ERAP1: variants seen among roughly 807,000 people sequenced by gnomAD.
The protein encoded by ERAP1 is adipocyte-derived leucine aminopeptidase.
A neutral mutation model predicts 103.7 loss-of-function variants in ERAP1; 86 were observed. The observed-to-expected ratio is 0.83, with a 90% confidence interval of 0.70 to 0.99. ERAP1 has a LOEUF of 0.99. ERAP1 is among the 50% of genes least tolerant of loss of function. The pLI, the probability that ERAP1 is intolerant of heterozygous loss-of-function variation, is 0.00. For missense variants in ERAP1, 1,009 were observed against 1,128.4 expected, an observed-to-expected ratio of 0.89 and a Z score of 1.52; for synonymous variants, 398 against 402.4, an observed-to-expected ratio of 0.99 and a Z score of 0.13.
upstream of ERAP1, among the ~76,000 whole-genome samples, chr5:96,811,143 C>T (rs991676270): frequency 6.6e-6 from 1 of 151,956 alleles, no homozygotes; most frequent in African/African-American, 2.4e-5. Context: ...TCTTGATATT[C>T]TTGATAAAGA....
At chr5:96,794,171 C>CTTTTTTTT in intron 5 of ERAP1, among the ~76,000 whole-genome samples, 1 of 68,726 alleles carries the variant, frequency 1.5e-5, no homozygotes, top group Non-Finnish European at 2.5e-5. Flanking sequence ...CATCTCAGGC[C>CTTTTTTTT]TTTTTTTTTT....
Position 96,776,413 on chromosome 5 carries a change from T to C in ERAP1, c.2809A>G (p.Lys937Glu). The change falls in exon 19 of 19, where the codon AAG (lysine) becomes GAG (glutamate). Residue 937 changes from lysine (K) to glutamate (E), a missense_variant. By Grantham distance (56) the Lys-to-Glu change is moderately conservative. This residue lies in a region of ERAP1 where 611 missense variants were observed against 651.7 expected (regional missense o/e 0.94). Transcript: ENST00000443439. ...DKIRVWLQSE[K>E]LERM Reference sequence around the variant, plus strand: ...AGGAATTTTTACATACGTTCAAGCTTTTCACTTTGCAGCCACACTCTGATT... The same window carrying C: ...AGGAATTTTTACATACGTTCAAGCTCTTCACTTTGCAGCCACACTCTGATT... The C allele has an allele frequency of 6.2e-7, 1 of 1,612,486 alleles. No homozygotes were observed. The highest frequency in any genetic ancestry group is 8.5e-7 in the Non-Finnish European group (1 of 1,179,384).
chr5:96,764,866 T>A (rs1447808833), intron 19 of ERAP1, among the ~76,000 whole-genome samples: 1 of 152,160 alleles, frequency 6.6e-6, no homozygotes, highest in East Asian at 1.9e-4. Context: ...ACATGATTGG[T>A]TCATTTGCTT....
the ERAP1 span, among the ~76,000 whole-genome samples, chr5:96,887,303 C>CT: frequency 0.54 from 74,306 of 137,470 alleles, 20,150 homozygotes; most frequent in Middle Eastern, 0.61. Flanking sequence ...TTGTTTCCGA[C>CT]TTTTTTTTTT....
chr5:96,883,659 A>T, the ERAP1 span: 1 of 856,722 alleles, frequency 1.2e-6, no homozygotes, highest in Non-Finnish European at 1.8e-6. Flanking sequence ...GACAGTTGAG[A>T]TTCACAAAGA....
downstream of ERAP1, chr5:96,774,143 A>T (rs1403900838): frequency 6.5e-6 from 1 of 153,698 alleles, no homozygotes; most frequent in East Asian, 1.9e-4. Context: ...CCATTTGGGC[A>T]GTATAGGTGT....
At chr5:96,881,549 C>G in the ERAP1 span, 5 of 453,110 alleles carry the variant, frequency 1.1e-5, no homozygotes, top group Non-Finnish European at 2.2e-5. Context: ...TTGGAGAAAT[C>G]TAAATTCCAT....
the ERAP1 span, among the ~76,000 whole-genome samples, chr5:96,854,218 G>C: frequency 6.6e-6 from 1 of 152,304 alleles, no homozygotes; most frequent in Non-Finnish European, 1.5e-5. Flanking sequence ...AGAATCAAAT[G>C]AGATGATCAT....
the ERAP1 span, among the ~76,000 whole-genome samples, chr5:96,837,315 A>G: frequency 6.6e-6 from 1 of 152,274 alleles, no homozygotes; most frequent in Admixed American, 6.5e-5. Context: ...GGAAGGGTAC[A>G]TAGTTTTTCA....
the ERAP1 span, among the ~76,000 whole-genome samples, chr5:96,886,152 T>C: frequency 6.6e-6 from 1 of 152,212 alleles, no homozygotes. Context: ...CTCTGTTTCC[T>C]CACCTGAGAA....
At position 96,775,048 on chromosome 5, in the gene ERAP1, A is replaced by G; in HGVS notation, c.*1348T>C. 3.0e-6 allele frequency: 3 copies of G among 985,484 alleles called. No individual in the cohort carries two copies. The highest frequency in any genetic ancestry group is 3.6e-6 in the Non-Finnish European group (3 of 829,914). 61.0% of individuals were successfully genotyped at this position (985,484 alleles called of 1,614,324 possible). On this transcript the variant is annotated 3_prime_UTR_variant, in exon 19 of 19. Transcript: ENST00000443439. ...CAGCGCAAAACACGCTGCAACTTGAATCAAGTCAGCAACAGAGCACACTAT... is the reference window on the plus strand; with the variant it reads ...CAGCGCAAAACACGCTGCAACTTGAGTCAAGTCAGCAACAGAGCACACTAT...
the ERAP1 span, among the ~76,000 whole-genome samples, chr5:96,840,919 T>A: frequency 3.9e-5 from 6 of 152,078 alleles, no homozygotes; most frequent in Non-Finnish European, 5.9e-5. Context: ...TTGGCCAGGA[T>A]GGTCTCGATC....
At chr5:96,900,281 T>G in the ERAP1 span, 1 of 1,493,058 alleles carries the variant, frequency 6.7e-7, no homozygotes, top group African/African-American at 1.4e-5. Flanking sequence ...ACCTGTCCCT[T>G]TTAAAAGCTG....
At position 96,792,157 on chromosome 5, in the gene ERAP1, C is replaced by T. The variant is rs773613441; in HGVS notation, c.1224G>A (p.Met408Ile). 1 of 1,613,844 alleles carries T rather than the reference C, an allele frequency of 6.2e-7. No individual in the cohort carries two copies. The highest frequency in any genetic ancestry group is 1.1e-5 in the South Asian group (1 of 91,078). The change falls in exon 8 of 19, where the codon ATG becomes ATA. Residue 408 changes from methionine (M) to isoleucine (I), a missense_variant. This residue lies in a region of ERAP1 where 611 missense variants were observed against 651.7 expected (regional missense o/e 0.94). Transcript: ENST00000443439. Reference protein sequence around the residue: ...DYFFGKCFDAMEVDALNSSHP... With the variant: ...DYFFGKCFDAIEVDALNSSHP... The stretch of plus-strand genomic sequence containing the variant: ...GTGAGGAATTTAAAGCATCTACCTC[C>T]ATTGCGTCAAAACATTTGCCAAAGA...
chr5:96,889,924 GT>G, the ERAP1 span, among the ~76,000 whole-genome samples: 8 of 151,968 alleles, frequency 5.3e-5, no homozygotes, highest in Non-Finnish European at 1.2e-4. Flanking sequence ...TTTGTACAAG[GT>G]CAGCAATCTT....
the ERAP1 span, chr5:96,889,244 A>G: frequency 1.5e-5 from 25 of 1,613,982 alleles, no homozygotes; most frequent in Non-Finnish European, 1.8e-5. Flanking sequence ...TGCAGGCATC[A>G]CTGAAGCTAC....
chr5:96,884,034 TTATCTATCTATC>T, the ERAP1 span: 87,822 of 602,842 alleles, frequency 0.15, 8,789 homozygotes, highest in Middle Eastern at 0.23. Context: ...TAATTTGTTT[TTATCTATCTATC>T]TATCTATCTA....
the ERAP1 span, chr5:96,909,081 C>T: frequency 6.2e-7 from 1 of 1,614,092 alleles, no homozygotes; most frequent in Admixed American, 1.7e-5. Flanking sequence ...ACATGATGGA[C>T]AGAAGGAATA....
At chr5:96,890,992 A>G in the ERAP1 span, among the ~76,000 whole-genome samples, 2 of 152,194 alleles carry the variant, frequency 1.3e-5, no homozygotes, top group East Asian at 1.9e-4. Context: ...AATAGAGCAG[A>G]TATAAGTCCC....
Sources: allele counts gnomAD v4.1 joint callset (sites outside exome capture counted in the v4.1 genomes callset), GRCh38; gene constraint gnomAD v4.1.1; regional missense constraint gnomAD v4.1.1; transcripts MANE v1.5; gene names NCBI Gene and HGNC (gene_info 2026-07-23, HGNC 2026-07-21).